Variants in RYR2 observed in about 807,000 individuals in gnomAD.
RYR2 encodes the protein cardiac muscle ryanodine receptor-calcium release channel.
RYR2 carries 227 observed loss-of-function variants against 601.1 expected under a neutral mutation model. The ratio of observed to expected loss-of-function variants is 0.38; its 90% CI spans 0.34 to 0.42. RYR2 has a LOEUF of 0.42. RYR2 is among the 10% of genes least tolerant of loss of function. The pLI is 1.00. For missense variants in RYR2, 4,646 were observed against 6,156.5 expected (o/e 0.75, Z 8.21); for synonymous variants, 2,223 against 2,175.1 (o/e 1.02, Z -0.61).
chr1:237,119,672 C>A (rs1670560365), intron 1 of RYR2, among the ~76,000 whole-genome samples: 1 of 152,164 alleles, frequency 6.6e-6, no homozygotes, highest in Non-Finnish European at 1.5e-5. Context: ...TTCAGCCTAT[C>A]AAATATAAAT....
At chr1:237,458,385 C>T (rs542766999) in intron 16 of RYR2, among the ~76,000 whole-genome samples, 11 of 152,114 alleles carry the variant, frequency 7.2e-5, no homozygotes, top group South Asian at 4.1e-4. Flanking sequence ...GCCAAGATTG[C>T]GCCACTGCAC....
chr1:237,239,311 A>G (rs1351724880), intron 1 of RYR2, among the ~76,000 whole-genome samples: 2 of 152,068 alleles, frequency 1.3e-5, no homozygotes, highest in African/African-American at 4.8e-5. Flanking sequence ...TTAACAGGCA[A>G]CAGAAAGTGA....
chr1:237,707,935 CTAATT>C (rs1394434988), intron 68 of RYR2, among the ~76,000 whole-genome samples: 1 of 111,616 alleles, frequency 9.0e-6, no homozygotes, highest in Non-Finnish European at 1.9e-5. Context: ...CCATGCCCAG[CTAATT>C]TTTTTTTTTT....
intron 1 of RYR2, among the ~76,000 whole-genome samples, chr1:237,232,337 A>C (rs549204522): frequency 6.6e-6 from 1 of 152,262 alleles, no homozygotes; most frequent in South Asian, 2.1e-4. Context: ...TTATTCAATC[A>C]TGCCAACGTA....
chr1:237,384,885 A>T (rs1391057198), intron 8 of RYR2, among the ~76,000 whole-genome samples: 2 of 149,508 alleles, frequency 1.3e-5, no homozygotes, highest in Non-Finnish European at 3.0e-5. Context: ...CCATTTATTT[A>T]TTTATTATTT....
At chr1:237,705,976 C>T (rs1021373730) in intron 67 of RYR2, among the ~76,000 whole-genome samples, 4 of 152,090 alleles carry the variant, frequency 2.6e-5, no homozygotes, top group Admixed American at 6.5e-5. Context: ...AAGGGCTGGG[C>T]GCAGTGGCTC....
intron 40 of RYR2, 118 bp downstream of exon 40, chr1:237,625,922 A>G: frequency 1.7e-6 from 2 of 1,152,916 alleles, no homozygotes; most frequent in South Asian, 3.1e-5. Flanking sequence ...ACTTCCAAGA[A>G]TCAGACTCTT....
Position 237,798,003 on chromosome 1 carries a change from G to GA in RYR2, c.13957-32dup, listed in dbSNP as rs759076593. The GA allele has an allele frequency of 1.4e-4, 223 of 1,588,340 alleles. No individual in the cohort carries two copies. The African/African-American group carries it at 2.6e-3, about 19-fold the overall frequency. On this transcript the variant is annotated intron_variant, in intron 96 of 104. Transcript: ENST00000366574. ...ATATAGATGATGTTACTTAATGGTT[G>GA]AAGCCAACAAAATGCTTTTTCTCAT...
At chr1:237,081,901 C>T (rs1349107535) in intron 1 of RYR2, among the ~76,000 whole-genome samples, 1 of 152,000 alleles carries the variant, frequency 6.6e-6, no homozygotes, top group South Asian at 2.1e-4. Flanking sequence ...CACTACTTGG[C>T]GATGATCCCT....
chr1:237,270,415 T>C (rs1448785601), intron 1 of RYR2, 82 bp from the exon 2 acceptor site: 14 of 1,525,788 alleles, frequency 9.2e-6, no homozygotes, highest in Non-Finnish European at 1.2e-5. Flanking sequence ...TGCACTAAAA[T>C]AATGTTCTTC....
chr1:237,179,589 T>G (rs184647658), intron 1 of RYR2, among the ~76,000 whole-genome samples: 1 of 152,214 alleles, frequency 6.6e-6, no homozygotes, highest in East Asian at 1.9e-4. Flanking sequence ...TGCCCCAGCA[T>G]CTCTGAGATG....
intron 90 of RYR2, 74 bp downstream of exon 90, chr1:237,785,046 G>A: frequency 9.2e-7 from 1 of 1,088,516 alleles, no homozygotes; most frequent in Non-Finnish European, 1.4e-6. Flanking sequence ...ATTAGACCAG[G>A]TTTCATGCTA....
At chr1:237,122,957 G>T (rs771538934) in intron 1 of RYR2, among the ~76,000 whole-genome samples, 1 of 152,208 alleles carries the variant, frequency 6.6e-6, no homozygotes, top group Non-Finnish European at 1.5e-5. Context: ...ACTCTGAGAT[G>T]AAAAGACATG....
At chr1:237,751,542 T>C (rs1482989611) in intron 80 of RYR2, among the ~76,000 whole-genome samples, 1 of 152,244 alleles carries the variant, frequency 6.6e-6, no homozygotes. Context: ...TAGTTCTAAA[T>C]ATGCTGTATC....
rs565136105 is a variant in RYR2 at position 237,797,815 on chromosome 1, A to G, written c.13957-222A>G. On this transcript the variant is annotated intron_variant, in intron 96 of 104. Transcript: ENST00000366574. ...TTGGTATGACTCCCTCTCTTGAATG[A>G]GAGAGAAATCTTGTTCCTCAGATAG... 3.3e-5 allele frequency among the ~76,000 whole-genome samples: 5 copies of G among 152,292 alleles called. No individual in the cohort carries two copies. The South Asian group carries it at 6.2e-4, about 19-fold the overall frequency.
At position 237,627,940 on chromosome 1, in the gene RYR2, G is replaced by A; in HGVS notation, c.6300G>A (p.Arg2100=). Reference sequence around the variant, plus strand: ...ATGACGGCATTGGGGGTCTTGTTCGGGCCCTGCCAAAGACCTACACGATAA... The same window carrying A: ...ATGACGGCATTGGGGGTCTTGTTCGAGCCCTGCCAAAGACCTACACGATAA... ...RQYDGIGGLV[R]ALPKTYTING... The change falls in exon 41 of 105, where the codon CGG becomes CGA. Residue 2100 remains arginine (R), a synonymous_variant. Transcript: ENST00000366574. 1 of 1,613,778 alleles carries A rather than the reference G, an allele frequency of 6.2e-7. No individual in the cohort carries two copies. Among genetic ancestry groups the A allele is most frequent in the South Asian group, 1.1e-5 (1 of 91,074 alleles).
chr1:237,635,570 A>G (rs1680790689), intron 44 of RYR2, among the ~76,000 whole-genome samples: 1 of 152,210 alleles, frequency 6.6e-6, no homozygotes, highest in Admixed American at 6.5e-5. Context: ...CCTGTATTGT[A>G]GTTGCAATAG....
rs766275419 is a variant in RYR2 at position 237,674,162 on chromosome 1, G to C, written c.8657G>C (p.Arg2886Thr). 3 of 1,612,756 alleles carry C rather than the reference G, an allele frequency of 1.9e-6. No individual in the cohort carries two copies. Among genetic ancestry groups the C allele is most frequent in the Non-Finnish European group, 2.5e-6 (3 of 1,178,856 alleles). Residue 2886 changes from arginine to threonine, a missense_variant, in exon 59 of 105, where the codon AGA becomes ACA. Physicochemically the swap from Arg to Thr is moderately conservative, Grantham distance 71 (BLOSUM62 -1). Coordinates refer to ENST00000366574, the MANE Select transcript of RYR2 (RefSeq NM_001035.3). ...TLTAKEKAKD[R>T]EKAQDILKFL... is the part of the protein sequence containing the mutation. Reference sequence around the variant, plus strand: ...ACAGCCAAAGAGAAAGCCAAGGATAGAGAAAAAGCACAGGACATCCTCAAG... The same window carrying C: ...ACAGCCAAAGAGAAAGCCAAGGATACAGAAAAAGCACAGGACATCCTCAAG...
intron 68 of RYR2, among the ~76,000 whole-genome samples, 190 bp from the exon 69 acceptor site, chr1:237,708,668 A>G (rs1688575935): frequency 6.6e-6 from 1 of 152,200 alleles, no homozygotes; most frequent in Admixed American, 6.5e-5. Flanking sequence ...CAACTCAGTA[A>G]ACATTTTTTT....
Sources: gnomAD v4.1 joint callset for allele counts (sites outside exome capture counted in the v4.1 genomes callset) on GRCh38, gnomAD v4.1.1 for gene constraint, MANE v1.5 for transcripts, NCBI Gene and HGNC (gene_info 2026-07-23, HGNC 2026-07-21) for gene names.